Variants in ASPH observed in about 807,000 individuals in gnomAD.
The protein encoded by ASPH is aspartyl/asparaginyl beta-hydroxylase.
In ASPH, 100 loss-of-function variants were observed where a neutral mutation model predicts 118.4. The observed-to-expected ratio is 0.84, with a 90% CI of 0.72 to 1.00. ASPH has a LOEUF of 1.00. ASPH is among the 50% of genes least tolerant of loss of function. ASPH has a pLI of 0.00. For missense variants in ASPH, 920 were observed against 919.5 expected, an observed-to-expected ratio of 1.00 and a Z score of -0.01; for synonymous variants, 315 against 325.6, an observed-to-expected ratio of 0.97 and a Z score of 0.35.
In ASPH at chr8:61,681,001, C is replaced by A; in HGVS notation, c.289G>T (p.Asp97Tyr). 1 of 1,605,788 alleles carries A rather than the reference C, an allele frequency of 6.2e-7. No homozygotes were observed. Among genetic ancestry groups the A allele is most frequent in the Non-Finnish European group, 8.5e-7 (1 of 1,175,566 alleles). Residue 97 changes from aspartate to tyrosine, a missense_variant, in exon 3 of 25, where the codon GAT becomes TAT. Asp to Tyr is a radical substitution (Grantham distance 160, BLOSUM62 -3). Transcript: ENST00000379454. ...LGIYDADGDG[D>Y]FDVDDAKVLL... ...ACTTTGGCATCATCCACATCAAAAT[C>A]TCCATCACCATCAGCATCATAGATT...
rs749202132 is a variant in ASPH, at chr8:61,526,095, C to A, written c.1782G>T (p.Trp594Cys). Residue 594 changes from tryptophan to cysteine, a missense_variant, in exon 22 of 25, where the codon TGG becomes TGT. Physicochemically the swap from Trp to Cys is radical, Grantham distance 215. Transcript: ENST00000379454. ...TELVKSLERN[W>C]KLIRDEGLAV... The stretch of plus-strand genomic sequence containing the variant: ...CAAGGCCTTCATCTCGGATTAACTT[C>A]CAGTTTCTTTCTAAAGACTAGAGGG... 1.9e-6 allele frequency: 3 copies of A among 1,613,960 alleles called. No homozygotes were observed. The South Asian group carries it at 3.3e-5, about 18-fold the overall frequency.
intron 21 of ASPH, among the ~76,000 whole-genome samples, chr8:61,542,108 A>C (rs1822188228): frequency 6.6e-6 from 1 of 152,176 alleles, no homozygotes; most frequent in African/African-American, 2.4e-5. Flanking sequence ...TTTATGGCCT[A>C]GTGTATAGTC....
chr8:61,640,265 T>A (rs889502315), intron 10 of ASPH, among the ~76,000 whole-genome samples: 20 of 152,150 alleles, frequency 1.3e-4, no homozygotes, highest in African/African-American at 4.6e-4. Context: ...ACTTAACTGT[T>A]CTCCCTGTAT....
At position 61,714,346 on chromosome 8, in the gene ASPH, C is replaced by G. The variant is rs539978373; in HGVS notation, c.26G>C (p.Ser9Thr). 6.6e-7 allele frequency: 1 copy of G among 1,517,902 alleles called. No homozygotes were observed. The highest frequency in any genetic ancestry group is 1.2e-5 in the South Asian group (1 of 81,060). The allele number at this position is 1,517,902 out of a possible 1,614,324, so 94.0% of individuals were successfully genotyped here. The change falls in exon 1 of 25, where the codon AGC becomes ACC. Residue 9 changes from serine (S) to threonine (T), a missense_variant. Physicochemically the swap from Ser to Thr is moderately conservative, Grantham distance 58 (BLOSUM62 1). Coordinates refer to ENST00000379454, the MANE Select transcript of ASPH (RefSeq NM_004318.4). ...GCCGCTGCTGCTGCTGTTGCCGCTG[C>G]TCTTGGCATTCTTACGCTGGGCCAT... Reference protein sequence around the residue: MAQRKNAKSSGNSSSSGSG... With the variant: MAQRKNAKTSGNSSSSGSG...
At chr8:61,677,788 T>C (rs891487139) in intron 3 of ASPH, among the ~76,000 whole-genome samples, 1 of 152,194 alleles carries the variant, frequency 6.6e-6, no homozygotes, top group South Asian at 2.1e-4. Flanking sequence ...ATATTTAGTA[T>C]AAACATCTTT....
At chr8:61,529,182 A>G (rs139688842) in intron 21 of ASPH, among the ~76,000 whole-genome samples, 4 of 152,274 alleles carry the variant, frequency 2.6e-5, no homozygotes, top group African/African-American at 7.2e-5. Context: ...CTCCTCCTCA[A>G]TTAGAGAAGG....
chr8:61,607,253 A>T (rs765678310), intron 14 of ASPH: 1 of 702,274 alleles, frequency 1.4e-6, no homozygotes, highest in South Asian at 1.5e-5. Flanking sequence ...GGGTCAACAC[A>T]TGAAAGGATG....
chr8:61,628,765 T>C (rs1457326273), intron 13 of ASPH, among the ~76,000 whole-genome samples: 1 of 152,132 alleles, frequency 6.6e-6, no homozygotes, highest in Non-Finnish European at 1.5e-5. Context: ...AAATTAATTG[T>C]ACTTATTTTA....
chr8:61,573,225 A>G (rs1271250679), intron 16 of ASPH, among the ~76,000 whole-genome samples: 5 of 152,192 alleles, frequency 3.3e-5, no homozygotes, highest in Non-Finnish European at 7.3e-5. Flanking sequence ...ACACAAACAA[A>G]TGGAAAAACA....
chr8:61,580,392 C>T (rs182351106), intron 15 of ASPH, among the ~76,000 whole-genome samples: 5 of 152,228 alleles, frequency 3.3e-5, no homozygotes, highest in African/African-American at 9.6e-5. Flanking sequence ...ATTCAATACA[C>T]GTCCTCTGAA....
At chr8:61,562,058 A>G (rs1830131684) in intron 18 of ASPH, among the ~76,000 whole-genome samples, 1 of 152,146 alleles carries the variant, frequency 6.6e-6, no homozygotes, top group Non-Finnish European at 1.5e-5. Flanking sequence ...TAACAAGTAA[A>G]CATGTTCATC....
At chr8:61,604,936 A>G (rs757296056) in intron 14 of ASPH, among the ~76,000 whole-genome samples, 1 of 152,190 alleles carries the variant, frequency 6.6e-6, no homozygotes, top group Non-Finnish European at 1.5e-5. Flanking sequence ...TGAATTTTAT[A>G]ATAAATCCCT....
chr8:61,575,132 A>G (rs1485276543), intron 16 of ASPH, among the ~76,000 whole-genome samples: 2 of 152,224 alleles, frequency 1.3e-5, no homozygotes, highest in East Asian at 1.9e-4. Flanking sequence ...CAACTTGTCC[A>G]AAGCGCTGTC....
At chr8:61,541,465 T>C (rs4394391) in intron 21 of ASPH, among the ~76,000 whole-genome samples, 137,749 of 152,278 alleles carry the variant, frequency 0.9, 62,830 homozygotes, top group East Asian at 1. Context: ...TTGCAGCTAC[T>C]AAATCTAGAG....
intron 16 of ASPH, among the ~76,000 whole-genome samples, chr8:61,573,913 A>G (rs1834270665): frequency 1.3e-5 from 2 of 152,224 alleles, no homozygotes; most frequent in African/African-American, 4.8e-5. Context: ...TGAACAGGCA[A>G]CCTACAGAAT....
chr8:61,714,105 C>A (rs534291748), intron 1 of ASPH, among the ~76,000 whole-genome samples, 164 bp downstream of exon 1: 37 of 152,250 alleles, frequency 2.4e-4, no homozygotes, highest in African/African-American at 8.9e-4. Flanking sequence ...CCGCCAGGCC[C>A]GCCGAATGCG....
chr8:61,629,136 G>GCCCC (rs1854393283), intron 13 of ASPH, among the ~76,000 whole-genome samples: 1 of 152,202 alleles, frequency 6.6e-6, no homozygotes, highest in Non-Finnish European at 1.5e-5. Flanking sequence ...GGGATAAGCT[G>GCCCC]CAAGTGGTAT....
At chr8:61,665,805 A>G (rs1015196748) in intron 3 of ASPH, among the ~76,000 whole-genome samples, 8 of 152,178 alleles carry the variant, frequency 5.3e-5, no homozygotes, top group African/African-American at 1.9e-4. Flanking sequence ...ACTATTAAAA[A>G]ATGCTAGAAG....
rs7826255 is a variant in ASPH at position 61,576,979 on chromosome 8, A to C, written c.1063-121T>G. 0.64 allele frequency: 488,586 copies of C among 761,048 alleles called. 165,073 individuals carry two copies. Among genetic ancestry groups the C allele is most frequent in the Non-Finnish European group, 0.7 (353,562 of 504,758 alleles). The allele number at this position is 761,048 out of a possible 1,614,324, so 47.1% of individuals were successfully genotyped here. On this transcript the variant is annotated intron_variant, in intron 15 of 24. Transcript: ENST00000379454. The stretch of plus-strand genomic sequence containing the variant: ...TTCCTAGATTCCATCCTGAGTGTAA[A>C]GATAGTTTTATCTAAGATTTTAAAA...
Sources: gnomAD v4.1 joint callset for allele counts (sites outside exome capture counted in the v4.1 genomes callset) on GRCh38, gnomAD v4.1.1 for gene constraint, MANE v1.5 for transcripts, NCBI Gene and HGNC (gene_info 2026-07-23, HGNC 2026-07-21) for gene names.